PCDHA5: variants seen among roughly 807,000 people sequenced by gnomAD.
PCDHA5 encodes protocadherin alpha-5.
In PCDHA5, 43 loss-of-function variants were observed where a neutral mutation model predicts 61.6. That is an observed-to-expected ratio of 0.70 (90% CI 0.55 to 0.90). The LOEUF (loss-of-function observed/expected upper bound fraction) is 0.90, where lower values mean the gene tolerates loss of function less well. Among genes scored for constraint, PCDHA5 ranks in the 40% least tolerant of loss-of-function variants. PCDHA5 has a pLI of 0.00. For missense variants in PCDHA5, 1,298 were observed against 1,222.7 expected (o/e 1.06, Z -0.92); for synonymous variants, 627 against 543.9 (o/e 1.15, Z -2.13).
chr5:140,849,643 G>A, intron 1 of PCDHA5: 1 of 1,598,612 alleles, frequency 6.3e-7, no homozygotes, highest in Non-Finnish European at 8.6e-7. Flanking sequence ...GATGCCAACG[G>A]GCAGGTTACC....
rs782619715 is a variant in PCDHA5, at chr5:140,883,236, T to C, written c.2352+59109T>C. 1.2e-5 allele frequency: 20 copies of C among 1,613,888 alleles called. No individual in the cohort carries two copies. Among genetic ancestry groups the C allele is most frequent in the Non-Finnish European group, 1.7e-5 (20 of 1,180,006 alleles). On this transcript the variant is annotated intron_variant, in intron 1 of 3. Coordinates refer to ENST00000529859, the MANE Select transcript of PCDHA5 (RefSeq NM_018908.3). ...TTATATGAAATATCCGTGGAGGCAGTTGACAAAGGAAATATTCCAATGGCG... is the reference window on the plus strand; with the variant it reads ...TTATATGAAATATCCGTGGAGGCAGCTGACAAAGGAAATATTCCAATGGCG...
At position 140,905,743 on chromosome 5, in the gene PCDHA5, C is replaced by G. The variant is rs550937383; in HGVS notation, c.2353-73206C>G. On this transcript the variant is annotated intron_variant, in intron 1 of 3. Coordinates refer to ENST00000529859, the MANE Select transcript of PCDHA5 (RefSeq NM_018908.3). ...GTTTTGTAGTTTTCCTTGTAGAGAT[C>G]TTTCACCTCCTTGGTTAAGTATATT... Among the ~76,000 whole-genome samples, 7 of 152,232 alleles carry G rather than the reference C, an allele frequency of 4.6e-5. No individual in the cohort carries two copies. In the South Asian group the frequency reaches 1.0e-3, roughly 23 times the overall value.
At chr5:140,969,251 A>T in intron 1 of PCDHA5, 3 of 1,614,262 alleles carry the variant, frequency 1.9e-6, no homozygotes, top group Non-Finnish European at 2.5e-6. Context: ...AGTGACTGAC[A>T]GCAGGAATCT....
In PCDHA5 at chr5:140,924,907, AAAATAAAAT is replaced by A. The variant is rs1563068988; in HGVS notation, c.2353-54038_2353-54030del. 7.1e-4 allele frequency among the ~76,000 whole-genome samples: 36 copies of A among 50,968 alleles called. 1 individual carries two copies. The highest frequency in any genetic ancestry group is 1.7e-3 in the African/African-American group (12 of 7,266). The allele number at this position is 50,968 out of a possible 152,430, so 33.4% of individuals were successfully genotyped here. ...AAGAACCTGTCTCAAAAAAAAAAAT[AAAATAAAAT>A]AAAATAAAATAAAATAAAATAAAAA... On this transcript the variant is annotated intron_variant, in intron 1 of 3. Transcript: ENST00000529859.
At chr5:140,841,713 C>G in intron 1 of PCDHA5, 2 of 1,613,888 alleles carry the variant, frequency 1.2e-6, no homozygotes, top group Non-Finnish European at 1.7e-6. Context: ...GACAACCCGC[C>G]AGTGTTCCGG....
At position 140,821,648 on chromosome 5, in the gene PCDHA5, A is replaced by G. The variant is rs1581773155; in HGVS notation, c.-128A>G. ...TAGACAGAAAGGAAAAGAACCTTCC[A>G]TTTTTGGCTGTGCCAAGAAGCTCAG... On this transcript the variant is annotated 5_prime_UTR_variant, in exon 1 of 4. Transcript: ENST00000529859. The G allele has an allele frequency of 9.2e-7, 1 of 1,086,806 alleles. No homozygotes were observed. Among genetic ancestry groups the G allele is most frequent in the Non-Finnish European group, 1.3e-6 (1 of 765,458 alleles). The allele number at this position is 1,086,806 out of a possible 1,614,324, so 67.3% of individuals were successfully genotyped here. A position where few individuals can be genotyped will look rare whatever the true frequency, so the allele number is the denominator to read the frequency against.
intron 1 of PCDHA5, chr5:140,850,651 C>T (rs2150492277): frequency 1.9e-6 from 3 of 1,598,626 alleles, no homozygotes; most frequent in Admixed American, 1.7e-5. Flanking sequence ...CTGCTGTACA[C>T]TGTGCTGCGG....
chr5:140,889,766 A>T (rs2062380294), intron 1 of PCDHA5, among the ~76,000 whole-genome samples: 1 of 152,064 alleles, frequency 6.6e-6, no homozygotes, highest in Non-Finnish European at 1.5e-5. Flanking sequence ...TTGAACTTTG[A>T]CTGGTCTTAA....
At chr5:140,869,718 T>A (rs1228223839) in intron 1 of PCDHA5, 19 of 1,613,290 alleles carry the variant, frequency 1.2e-5, no homozygotes, top group Non-Finnish European at 1.2e-5. Flanking sequence ...GAGAGAAAAC[T>A]CCGGAACTTA....
chr5:141,000,689 A>G (rs1469257297), intron 3 of PCDHA5, among the ~76,000 whole-genome samples: 1 of 151,438 alleles, frequency 6.6e-6, no homozygotes, highest in African/African-American at 2.4e-5. Context: ...CTGCCTCCCA[A>G]AGTGCTGGGA....
At chr5:140,860,205 A>G (rs1007227708) in intron 1 of PCDHA5, 2 of 149,744 alleles carry the variant, frequency 1.3e-5, no homozygotes, top group East Asian at 3.9e-4. Flanking sequence ...ATATATCTAT[A>G]TATGTACTTA....
chr5:140,875,688 G>A (rs1554167865), intron 1 of PCDHA5: 7 of 1,614,004 alleles, frequency 4.3e-6, no homozygotes, highest in Non-Finnish European at 4.2e-6. Context: ...AAAGACACGG[G>A]GACCTTCTGG....
At chr5:140,979,102 C>G in intron 2 of PCDHA5, 95 bp downstream of exon 2, 1 of 1,541,802 alleles carries the variant, frequency 6.5e-7, no homozygotes. Context: ...GCTGTCAAAA[C>G]TAAAAAGCTT....
intron 1 of PCDHA5, chr5:140,927,041 T>G (rs1242687827): frequency 9.9e-6 from 16 of 1,612,338 alleles, no homozygotes; most frequent in Non-Finnish European, 1.0e-5. Context: ...GCGGCCGCTA[T>G]GTCCTCGCGG....
chr5:140,870,734 T>A (rs782055886), intron 1 of PCDHA5: 1 of 1,613,458 alleles, frequency 6.2e-7, no homozygotes. Flanking sequence ...GTGCCGCCTC[T>A]GAGCAGCAAC....
At chr5:140,900,178 T>G (rs972449455) in intron 1 of PCDHA5, among the ~76,000 whole-genome samples, 1 of 152,238 alleles carries the variant, frequency 6.6e-6, no homozygotes, top group East Asian at 1.9e-4. Flanking sequence ...GCCTGGTTTA[T>G]GTCACTTATA....
At chr5:140,837,965 A>G (rs1208755583) in intron 1 of PCDHA5, among the ~76,000 whole-genome samples, 1 of 151,758 alleles carries the variant, frequency 6.6e-6, no homozygotes, top group Non-Finnish European at 1.5e-5. Flanking sequence ...AGACACGAAC[A>G]ACCACACCCA....
chr5:140,829,655 C>G, intron 1 of PCDHA5: 3 of 1,612,510 alleles, frequency 1.9e-6, no homozygotes, highest in Non-Finnish European at 2.5e-6. Context: ...CGCGCTGCAG[C>G]CGCTGGACCA....
intron 1 of PCDHA5, chr5:140,966,362 A>C: frequency 2.5e-6 from 1 of 400,494 alleles, no homozygotes; most frequent in Non-Finnish European, 4.4e-6. Flanking sequence ...GGGGCTGGAG[A>C]GGCTGAGCAG....
Sources: gnomAD v4.1 joint callset for allele counts (sites outside exome capture counted in the v4.1 genomes callset) on GRCh38, gnomAD v4.1.1 for gene constraint, MANE v1.5 for transcripts, NCBI Gene and HGNC (gene_info 2026-07-23, HGNC 2026-07-21) for gene names.